Variants in TMPRSS15 observed in about 807,000 individuals in gnomAD.
TMPRSS15 encodes transmembrane serine protease 15.
In TMPRSS15, 128 loss-of-function variants were observed where a neutral mutation model predicts 125.3. That is an observed-to-expected ratio of 1.02 (90% CI 0.89 to 1.18). The LOEUF (loss-of-function observed/expected upper bound fraction) is 1.18, where lower values mean the gene tolerates loss of function less well. Among genes scored for constraint, TMPRSS15 ranks in the 50% most tolerant of loss-of-function variants. The pLI, the probability that TMPRSS15 is intolerant of heterozygous loss-of-function variation, is 0.00. For synonymous variants in TMPRSS15, 446 were observed against 423.2 expected (o/e 1.05, Z -0.66); for missense variants, 1,283 against 1,212.7 (o/e 1.06, Z -0.86).
intron 21 of TMPRSS15, among the ~76,000 whole-genome samples, chr21:18,290,014 G>A (rs2146889645): frequency 6.6e-6 from 1 of 152,366 alleles, no homozygotes; most frequent in African/African-American, 2.4e-5. Context: ...AACCTTGGTT[G>A]ATGCGTGTGC....
intron 19 of TMPRSS15, among the ~76,000 whole-genome samples, chr21:18,297,052 G>A (rs970495409): frequency 3.3e-5 from 5 of 152,032 alleles, no homozygotes; most frequent in Non-Finnish European, 5.9e-5. Context: ...CCCACCCACA[G>A]CTGTTCTTTA....
chr21:18,279,311 CTTTTTTTTTTTTT>C (rs71189593), intron 22 of TMPRSS15, among the ~76,000 whole-genome samples: 978 of 41,086 alleles, frequency 0.024, 6 homozygotes, highest in African/African-American at 0.066. Context: ...CCTCGTTACT[CTTTTTTTTTTTTT>C]TTTTTTTTTT....
At chr21:18,400,941 A>G (rs2076089037) in intron 1 of TMPRSS15, among the ~76,000 whole-genome samples, 1 of 152,228 alleles carries the variant, frequency 6.6e-6, no homozygotes, top group South Asian at 2.1e-4. Context: ...CACTTGTCAA[A>G]AAAAGACATA....
upstream of TMPRSS15, among the ~76,000 whole-genome samples, chr21:18,406,606 T>G (rs577326363): frequency 1.1e-3 from 162 of 152,208 alleles, no homozygotes; most frequent in African/African-American, 3.8e-3. Flanking sequence ...GTTATGGAAT[T>G]CTAATAAAAA....
chr21:18,390,191 C>T (rs1016074707), intron 3 of TMPRSS15, among the ~76,000 whole-genome samples: 1 of 152,182 alleles, frequency 6.6e-6, no homozygotes, highest in Non-Finnish European at 1.5e-5. Context: ...CCCACCCTTT[C>T]AAGTCAAGGG....
intron 5 of TMPRSS15, among the ~76,000 whole-genome samples, chr21:18,378,701 A>T (rs1287205454): frequency 6.6e-6 from 1 of 152,070 alleles, no homozygotes; most frequent in Non-Finnish European, 1.5e-5. Flanking sequence ...TTATATGAAG[A>T]TTAAGTTATG....
At chr21:18,365,509 T>C (rs2075718728) in intron 6 of TMPRSS15, among the ~76,000 whole-genome samples, 1 of 150,798 alleles carries the variant, frequency 6.6e-6, no homozygotes. Flanking sequence ...CCTTGCTTCC[T>C]TCCTTCCTTC....
intron 13 of TMPRSS15, among the ~76,000 whole-genome samples, chr21:18,332,741 C>T (rs917973377): frequency 2.6e-5 from 4 of 152,134 alleles, no homozygotes; most frequent in African/African-American, 4.8e-5. Flanking sequence ...TTCCGCTACT[C>T]GGTATATACC....
At chr21:18,396,808 G>GTCTA (rs3082172) in intron 3 of TMPRSS15, among the ~76,000 whole-genome samples, 5,756 of 107,496 alleles carry the variant, frequency 0.054, 287 homozygotes, top group African/African-American at 0.06. Context: ...CTGTCTGTCT[G>GTCTA]TCTATCTATC....
chr21:18,302,619 T>C (rs1412109399), intron 18 of TMPRSS15, among the ~76,000 whole-genome samples: 1 of 152,214 alleles, frequency 6.6e-6, no homozygotes, highest in African/African-American at 2.4e-5. Context: ...AAAACAATTA[T>C]CTTAACCTAA....
chr21:18,279,300 T>A (rs1347862516), intron 22 of TMPRSS15, among the ~76,000 whole-genome samples: 1 of 138,544 alleles, frequency 7.2e-6, no homozygotes, highest in East Asian at 2.2e-4. Context: ...TTTACTAGTC[T>A]CCTCGTTACT....
chr21:18,318,821 T>C (rs1035332650), intron 16 of TMPRSS15, among the ~76,000 whole-genome samples: 4 of 152,230 alleles, frequency 2.6e-5, no homozygotes, highest in Admixed American at 6.5e-5. Context: ...ATATACAATA[T>C]GCCAGCTGTA....
intron 15 of TMPRSS15, 119 bp from the exon 16 acceptor site, chr21:18,326,691 T>C (rs975243423): frequency 8.9e-7 from 1 of 1,124,332 alleles, no homozygotes; most frequent in Non-Finnish European, 1.3e-6. Context: ...GGCTCGCTCA[T>C]AGAGCAGCCA....
At position 18,409,954 on chromosome 21, in the gene TMPRSS15, C is replaced by T. The variant is rs1220513009; in HGVS notation, c.11-11625G>A. 6.3e-5 allele frequency among the ~76,000 whole-genome samples: 9 copies of T among 142,470 alleles called. No homozygotes were observed. In the Admixed American group the frequency reaches 6.7e-4, roughly 11 times the overall value. The allele number at this position is 142,470 out of a possible 152,430, so 93.5% of individuals were successfully genotyped here. A position where few individuals can be genotyped will look rare whatever the true frequency, so the allele number is the denominator to read the frequency against. On this transcript the variant is annotated intron_variant, in intron 1 of 7. Coordinates refer to the TMPRSS15 transcript ENST00000422787. ...TCCTTTCTTCCTTCCTTCCGTCTTTCCTTCTTAGGTATATTCACATGTCTT... is the reference window on the plus strand; with the variant it reads ...TCCTTTCTTCCTTCCTTCCGTCTTTTCTTCTTAGGTATATTCACATGTCTT...
At chr21:18,463,281 G>A (rs1299130993) in intron 1 of TMPRSS15, among the ~76,000 whole-genome samples, 4 of 124,836 alleles carry the variant, frequency 3.2e-5, no homozygotes, top group South Asian at 2.5e-4. Flanking sequence ...AAAAAAAGCC[G>A]GGGGTGGGGA....
intron 1 of TMPRSS15, among the ~76,000 whole-genome samples, chr21:18,461,255 CTG>C (rs1350807418): frequency 1.1e-4 from 16 of 152,266 alleles, no homozygotes; most frequent in African/African-American, 3.6e-4. Context: ...TCCTTAATTT[CTG>C]TTTTTCTACA....
At chr21:18,305,470 G>A (rs67418853) in intron 18 of TMPRSS15, among the ~76,000 whole-genome samples, 45,804 of 152,096 alleles carry the variant, frequency 0.3, 8,582 homozygotes, top group East Asian at 0.54. Flanking sequence ...TTACAGGCGT[G>A]AGCCACCACG....
chr21:18,464,778 A>C (rs1978624369), intron 1 of TMPRSS15, among the ~76,000 whole-genome samples: 1 of 152,192 alleles, frequency 6.6e-6, no homozygotes, highest in Non-Finnish European at 1.5e-5. Context: ...ATAGCCTACC[A>C]ACCAAAAAAA....
chr21:18,281,991 G>A (rs183161747), intron 21 of TMPRSS15, among the ~76,000 whole-genome samples: 1 of 151,030 alleles, frequency 6.6e-6, no homozygotes, highest in Non-Finnish European at 1.5e-5. Context: ...CAGCTACTTC[G>A]GGGGGCAGAG....
Sources: allele counts gnomAD v4.1 joint callset (sites outside exome capture counted in the v4.1 genomes callset), GRCh38; gene constraint gnomAD v4.1.1; transcripts MANE v1.5; gene names NCBI Gene and HGNC (gene_info 2026-07-23, HGNC 2026-07-21).